NISCH: variants seen among roughly 807,000 people sequenced by gnomAD.
NISCH encodes the protein I-1 receptor candidate protein.
A neutral mutation model predicts 138.4 loss-of-function variants in NISCH; 55 were observed. That is an observed-to-expected ratio of 0.40 (90% CI 0.32 to 0.50). The LOEUF is 0.50. NISCH is among the 20% of genes least tolerant of loss of function. The probability of loss-of-function intolerance (pLI) is 0.71; values close to 1 mark genes in which losing one functional copy is unlikely to be tolerated. For missense variants in NISCH, 1,643 were observed against 2,005.5 expected (o/e 0.82, Z 3.45); for synonymous variants, 860 against 861.5 (o/e 1.00, Z 0.03).
At chr3:52,484,462 T>TTGGGCCCCCCCCC in intron 13 of NISCH, 51 bp from the exon 14 acceptor site, 27 of 788,666 alleles carry the variant, frequency 3.4e-5, no homozygotes, top group Non-Finnish European at 3.7e-5. Flanking sequence ...ACAGCCGCTC[T>TTGGGCCCCCCCCC]CCCCGCCCCA....
In NISCH at chr3:52,487,539, G is replaced by A. The variant is rs374588018; in HGVS notation, c.2047G>A (p.Ala683Thr). ...EEEEEEEDEE[A>T]EEERLALEWA... ...GGAGGAGGAAGAGGAGGATGAAGAGGCCGAGGAGGAGCGCCTGGCTCTGGA... is the reference window on the plus strand; with the variant it reads ...GGAGGAGGAAGAGGAGGATGAAGAGACCGAGGAGGAGCGCCTGGCTCTGGA... The change falls in exon 16 of 21, where the codon GCC (alanine) becomes ACC (threonine). Residue 683 changes from alanine (A) to threonine (T), a missense_variant. Transcript: ENST00000345716. This position sits in a 1 kb window ranked among gnomAD's most constrained non-coding sequence, Gnocchi z 9.1. The A allele has an allele frequency of 1.4e-5, 23 of 1,609,424 alleles. No individual in the cohort carries two copies. Among genetic ancestry groups the A allele is most frequent in the Non-Finnish European group, 1.9e-5 (22 of 1,176,714 alleles).
At chr3:52,459,394 G>A (rs901404286) in intron 3 of NISCH, among the ~76,000 whole-genome samples, 5 of 152,218 alleles carry the variant, frequency 3.3e-5, no homozygotes, top group Non-Finnish European at 5.9e-5. Context: ...GACAGAATGC[G>A]TTGTCAGACT....
intron 5 of NISCH, 38 bp from the exon 6 acceptor site, chr3:52,472,265 G>A (rs779722968): frequency 4.6e-5 from 72 of 1,572,450 alleles, no homozygotes; most frequent in African/African-American, 6.8e-5. Context: ...ATGGGCATGC[G>A]ACACTGTTCC....
intron 12 of NISCH, 98 bp downstream of exon 12, chr3:52,479,960 G>A: frequency 3.7e-6 from 4 of 1,074,168 alleles, no homozygotes; most frequent in East Asian, 2.6e-5. Flanking sequence ...CAGGGCTGCC[G>A]AGTCCCAGCT....
intron 3 of NISCH, among the ~76,000 whole-genome samples, chr3:52,460,710 T>C (rs540013176): frequency 6.6e-6 from 1 of 152,174 alleles, no homozygotes; most frequent in Non-Finnish European, 1.5e-5. Flanking sequence ...CTGACTATGG[T>C]CTCATTTTTA....
Position 52,487,552 on chromosome 3 carries a change from G to T in NISCH, c.2060G>T (p.Arg687Leu), listed in dbSNP as rs748607943. 5.6e-6 allele frequency: 9 copies of T among 1,610,430 alleles called. No homozygotes were observed. The highest frequency in any genetic ancestry group is 7.6e-6 in the Non-Finnish European group (9 of 1,177,346). ...EEEDEEAEEE[R>L]LALEWALGAD... ...GAGGATGAAGAGGCCGAGGAGGAGCGCCTGGCTCTGGAATGGGCCCTGGGC... is the reference window on the plus strand; with the variant it reads ...GAGGATGAAGAGGCCGAGGAGGAGCTCCTGGCTCTGGAATGGGCCCTGGGC... The change falls in exon 16 of 21, where the codon CGC (arginine) becomes CTC (leucine). Residue 687 changes from arginine (R) to leucine (L), a missense_variant. Coordinates refer to ENST00000345716, the MANE Select transcript of NISCH (RefSeq NM_007184.4). This position sits in a 1 kb window ranked among gnomAD's most constrained non-coding sequence, Gnocchi z 9.1.
Position 52,455,675 on chromosome 3 carries a change from G to A in NISCH, c.34G>A (p.Glu12Lys). The A allele has an allele frequency of 1.5e-6, 2 of 1,360,590 alleles. No individual in the cohort carries two copies. The highest frequency in any genetic ancestry group is 9.6e-7 in the Non-Finnish European group (1 of 1,047,116). 84.3% of individuals were successfully genotyped at this position (1,360,590 alleles called of 1,614,324 possible). A position where few individuals can be genotyped will look rare whatever the true frequency, so the allele number is the denominator to read the frequency against. Residue 12 changes from glutamate to lysine, a missense_variant, in exon 1 of 21, where the codon GAA becomes AAA. Coordinates refer to ENST00000345716, the MANE Select transcript of NISCH (RefSeq NM_007184.4). ...ATARTFGPER[E>K]AEPAKEARVV... ...CGCGCGCACCTTCGGGCCCGAGCGG[G>A]AAGCCGAGCCGGCCAAGGAAGCGCG...
At chr3:52,461,817 C>T (rs530982801) in intron 3 of NISCH, among the ~76,000 whole-genome samples, 3 of 148,936 alleles carry the variant, frequency 2.0e-5, no homozygotes, top group Non-Finnish European at 4.4e-5. Context: ...GAGCCAAGAT[C>T]GTGTCACTGC....
intron 19 of NISCH, 21 bp downstream of exon 19, chr3:52,490,854 T>C (rs1707542846): frequency 6.2e-7 from 1 of 1,613,484 alleles, no homozygotes; most frequent in South Asian, 1.1e-5. Context: ...CTCTGTGCTT[T>C]GTCCTATTTC....
At chr3:52,460,429 T>C (rs1578274139) in intron 3 of NISCH, among the ~76,000 whole-genome samples, 1 of 145,300 alleles carries the variant, frequency 6.9e-6, no homozygotes, top group South Asian at 2.2e-4. Context: ...TGAGACAGGG[T>C]CTCACTCCAT....
rs1163460802 is a variant in NISCH, at chr3:52,492,035, G to T, written c.4068G>T (p.Val1356=). 1 of 1,613,054 alleles carries T rather than the reference G, an allele frequency of 6.2e-7. No homozygotes were observed. Among genetic ancestry groups the T allele is most frequent in the African/African-American group, 1.3e-5 (1 of 74,948 alleles). ...SILLYVQAFQ[V]GMPPPGCCRG... is the part of the protein sequence containing the mutation. ...TGCTGTACGTGCAGGCCTTCCAGGT[G>T]GGCATGCCACCCCCTGGGTGCTGCA... Residue 1356 remains valine (V), a synonymous_variant, in exon 21 of 21, where the codon GTG becomes GTT. Coordinates refer to ENST00000345716, the MANE Select transcript of NISCH (RefSeq NM_007184.4).
chr3:52,485,778 G>C lies in NISCH; in HGVS notation c.1654G>C (p.Ala552Pro), dbSNP rs1707386039. The change falls in exon 15 of 21, where the codon GCA becomes CCA. Residue 552 changes from alanine (A) to proline (P), a missense_variant and splice_region_variant. Transcript: ENST00000345716. Reference protein sequence around the residue: ...DSLESIPAGQAASDDLRDVPG... With the variant: ...DSLESIPAGQPASDDLRDVPG... Reference sequence around the variant, plus strand: ...CTGACTGTGTTTCTTTCTCCATCAGGCAGCTTCCGATGATTTAAGGGACGT... The same window carrying C: ...CTGACTGTGTTTCTTTCTCCATCAGCCAGCTTCCGATGATTTAAGGGACGT... 2 of 1,579,392 alleles carry C rather than the reference G, an allele frequency of 1.3e-6. No homozygotes were observed. Among genetic ancestry groups the C allele is most frequent in the South Asian group, 2.3e-5 (2 of 86,422 alleles).
At position 52,489,280 on chromosome 3, in the gene NISCH, G is replaced by T. The variant is rs1281150740; in HGVS notation, c.3114-56G>T. On this transcript the variant is annotated intron_variant, in intron 16 of 20. Coordinates refer to ENST00000345716, the MANE Select transcript of NISCH (RefSeq NM_007184.4). ...CTCCTCACTCTGAAGCTGCACATGC[G>T]ATGTGAATCTTCATTTGGGGTCCGC... 15 of 1,565,658 alleles carry T rather than the reference G, an allele frequency of 9.6e-6. No homozygotes were observed. In the Admixed American group the frequency reaches 2.7e-4, roughly 28 times the overall value.
Position 52,489,553 on chromosome 3 carries a change from C to A in NISCH, c.3331C>A (p.Leu1111Ile). The A allele has an allele frequency of 6.2e-7, 1 of 1,613,278 alleles. No homozygotes were observed. Among genetic ancestry groups the A allele is most frequent in the Non-Finnish European group, 8.5e-7 (1 of 1,179,996 alleles). Residue 1111 changes from leucine to isoleucine, a missense_variant, in exon 17 of 21, where the codon CTC becomes ATC. By Grantham distance (5) the Leu-to-Ile change is conservative. Coordinates refer to ENST00000345716, the MANE Select transcript of NISCH (RefSeq NM_007184.4). ...CCCTGCCCAGTACCCGAGTGAGCAC[C>A]TCATCCAGGCCACCTCGGAGGAGAA... is the stretch of plus-strand genomic sequence containing the variant. ...EAPAQYPSEH[L>I]IQATSEENQI... is the part of the protein sequence containing the mutation.
chr3:52,484,462 T>TTGGGGCGGCC, intron 13 of NISCH, 51 bp from the exon 14 acceptor site: 1 of 788,670 alleles, frequency 1.3e-6, no homozygotes, highest in Non-Finnish European at 1.8e-6. Flanking sequence ...ACAGCCGCTC[T>TTGGGGCGGCC]CCCCGCCCCA....
Position 52,488,207 on chromosome 3 carries a change from C to T in NISCH, c.2715C>T (p.Ala905=), listed in dbSNP as rs145102328. 7.8e-4 allele frequency: 1,256 copies of T among 1,613,050 alleles called. 2 individuals carry two copies. The highest frequency in any genetic ancestry group is 9.1e-4 in the Non-Finnish European group (1,068 of 1,179,982). Residue 905 remains alanine, a synonymous_variant, in exon 16 of 21, where the codon GCC becomes GCT. Transcript: ENST00000345716. ...CAPSEAVKSA[A]IPYWLLLTPQ... ...CCTCTGAGGCCGTCAAGTCCGCCGC[C>T]ATCCCCTACTGGCTGTTGCTCACGC...
rs957626170 is a variant in NISCH, at chr3:52,487,616, C to T, written c.2124C>T (p.Leu708=). ...TCCTGCTGGAGCACATCCGCATCCT[C>T]AAGGTGCTGTGGTGCTTCCTGATCC... ...EDFLLEHIRI[L]KVLWCFLIHV... Residue 708 remains leucine (L), a synonymous_variant, in exon 16 of 21, where the codon CTC becomes CTT. Transcript: ENST00000345716. This position sits in a 1 kb window ranked among gnomAD's most constrained non-coding sequence, Gnocchi z 9.1. The T allele has an allele frequency of 2.5e-6, 4 of 1,613,842 alleles. No homozygotes were observed. The Admixed American group carries it at 5.0e-5, about 20-fold the overall frequency.
At chr3:52,456,713 A>G (rs1022446415) in intron 1 of NISCH, among the ~76,000 whole-genome samples, 3 of 152,208 alleles carry the variant, frequency 2.0e-5, no homozygotes, top group African/African-American at 7.2e-5. Flanking sequence ...AGGGGAAGGA[A>G]TCAGGCAGGA....
At chr3:52,491,814 C>T in intron 20 of NISCH, 58 bp from the exon 21 acceptor site, 9 of 1,521,742 alleles carry the variant, frequency 5.9e-6, no homozygotes, top group Non-Finnish European at 7.0e-6. Flanking sequence ...GCCCTTGGTG[C>T]TCCCAGCCCC....
Sources: allele counts gnomAD v4.1 joint callset (sites outside exome capture counted in the v4.1 genomes callset), GRCh38; gene constraint gnomAD v4.1.1; non-coding constraint Gnocchi (gnomAD v3.1); transcripts MANE v1.5; gene names NCBI Gene and HGNC (gene_info 2026-07-23, HGNC 2026-07-21).